RALGAPA2: variants seen among roughly 807,000 people sequenced by gnomAD.
RALGAPA2 encodes Ral GTPase activating protein catalytic subunit alpha 2.
RALGAPA2 carries 139 observed loss-of-function variants against 230.4 expected under a neutral mutation model. The ratio of observed to expected loss-of-function variants is 0.60; its 90% confidence interval spans 0.53 to 0.69. The LOEUF (loss-of-function observed/expected upper bound fraction) is 0.69. RALGAPA2 is among the 30% of genes least tolerant of loss of function. The pLI is 0.00. For missense variants in RALGAPA2, 2,163 were observed against 2,276.0 expected (o/e 0.95, Z 1.01); for synonymous variants, 847 against 837.8 (o/e 1.01, Z -0.19).
At chr20:20,442,824 T>C (rs1441167381) in intron 37 of RALGAPA2, among the ~76,000 whole-genome samples, 1 of 152,258 alleles carries the variant, frequency 6.6e-6, no homozygotes, top group Admixed American at 6.5e-5. Flanking sequence ...GGAAGCCTTT[T>C]ACAGAGAAAA....
intron 29 of RALGAPA2, 48 bp from the exon 30 acceptor site, chr20:20,524,591 T>G (rs1162625267): frequency 1.2e-6 from 2 of 1,605,574 alleles, no homozygotes; most frequent in South Asian, 1.1e-5. Flanking sequence ...CTCTTAAACC[T>G]CACTACATGT....
At chr20:20,528,444 T>G (rs187243505) in intron 27 of RALGAPA2, among the ~76,000 whole-genome samples, 2 of 151,886 alleles carry the variant, frequency 1.3e-5, no homozygotes, top group Non-Finnish European at 2.9e-5. Flanking sequence ...ACTTGGGCAG[T>G]GGGTGGGACG....
intron 36 of RALGAPA2, among the ~76,000 whole-genome samples, chr20:20,483,869 A>T (rs116051572): frequency 0.01 from 1,524 of 152,330 alleles, 19 homozygotes; most frequent in African/African-American, 0.035. Flanking sequence ...AGGGGAAAAA[A>T]AGTGGTTTCT....
At chr20:20,539,921 T>C (rs1602705995) in intron 24 of RALGAPA2, among the ~76,000 whole-genome samples, 1 of 152,248 alleles carries the variant, frequency 6.6e-6, no homozygotes, top group Non-Finnish European at 1.5e-5. Context: ...TTCATGTTGT[T>C]GCAAATGACA....
At chr20:20,457,274 A>G (rs2061144543) in intron 37 of RALGAPA2, among the ~76,000 whole-genome samples, 1 of 152,210 alleles carries the variant, frequency 6.6e-6, no homozygotes, top group Non-Finnish European at 1.5e-5. Flanking sequence ...ATGAGCCTCC[A>G]AACTGAAGTG....
At chr20:20,641,875 T>C (rs2067041128) in intron 5 of RALGAPA2, among the ~76,000 whole-genome samples, 1 of 151,540 alleles carries the variant, frequency 6.6e-6, no homozygotes, top group Non-Finnish European at 1.5e-5. Context: ...CCTAAATAAA[T>C]AAATAAAAAT....
At chr20:20,594,387 G>A (rs1016202285) in intron 16 of RALGAPA2, among the ~76,000 whole-genome samples, 1 of 151,846 alleles carries the variant, frequency 6.6e-6, no homozygotes, top group African/African-American at 2.4e-5. Context: ...CATTCTGTGG[G>A]GTTAGCTGTT....
At chr20:20,431,541 T>G (rs1276851955) in intron 37 of RALGAPA2, among the ~76,000 whole-genome samples, 1 of 152,186 alleles carries the variant, frequency 6.6e-6, no homozygotes, top group Non-Finnish European at 1.5e-5. Flanking sequence ...CTTTATATAA[T>G]TTTAAAATGT....
rs539418580 is a variant in RALGAPA2, at chr20:20,398,831, C to T, written c.5618-2097G>A. 2.6e-5 allele frequency among the ~76,000 whole-genome samples: 4 copies of T among 152,330 alleles called. No individual in the cohort carries two copies. The East Asian group carries it at 7.7e-4, about 29-fold the overall frequency. On this transcript the variant is annotated intron_variant, in intron 38 of 39. Transcript: ENST00000202677. The surrounding 1 kb of genome is among the most constrained non-coding windows in gnomAD (Gnocchi z 4.5). The stretch of plus-strand genomic sequence containing the variant: ...GTGGTGACCAAAGCAGATGAAACCG[C>T]TGCCTCCAGGGGATCTGGGAGAAAA...
At chr20:20,593,789 A>G (rs1285663421) in intron 16 of RALGAPA2, among the ~76,000 whole-genome samples, 1 of 152,224 alleles carries the variant, frequency 6.6e-6, no homozygotes, top group Non-Finnish European at 1.5e-5. Flanking sequence ...AAAGATAAAG[A>G]ACATCGCCAT....
chr20:20,560,661 T>C (rs1288504446), intron 23 of RALGAPA2, among the ~76,000 whole-genome samples: 1 of 152,346 alleles, frequency 6.6e-6, no homozygotes, highest in East Asian at 1.9e-4. Flanking sequence ...AAATCTCTTA[T>C]ATTCAAAAAT....
intron 36 of RALGAPA2, among the ~76,000 whole-genome samples, chr20:20,484,776 T>C (rs1364720879): frequency 6.6e-6 from 1 of 152,208 alleles, no homozygotes; most frequent in Non-Finnish European, 1.5e-5. Context: ...AACATTTCAT[T>C]TTTGATGATG....
chr20:20,568,965 C>T lies in RALGAPA2; in HGVS notation c.3156+2493G>A, dbSNP rs529930247. Among the ~76,000 whole-genome samples the T allele has an allele frequency of 7.9e-4, 120 of 152,290 alleles. 1 individual carries two copies. The highest frequency in any genetic ancestry group is 2.8e-3 in the African/African-American group (117 of 41,566). On this transcript the variant is annotated intron_variant, in intron 23 of 39. Coordinates refer to ENST00000202677, the MANE Select transcript of RALGAPA2 (RefSeq NM_020343.4). ...GCTGCTAGGATACATAAAAGTGTGG[C>T]CCTTTGAGAATTCTCACAAAATAGA...
intron 2 of RALGAPA2, 66 bp from the exon 3 acceptor site, chr20:20,676,354 C>A: frequency 9.0e-7 from 1 of 1,112,758 alleles, no homozygotes; most frequent in Admixed American, 2.4e-5. Context: ...ACAAATTATG[C>A]TAAAAGGCAG....
intron 1 of RALGAPA2, among the ~76,000 whole-genome samples, chr20:20,691,581 A>G (rs2068908595): frequency 6.6e-6 from 1 of 152,194 alleles, no homozygotes; most frequent in Admixed American, 6.5e-5. Context: ...ATCCAGTCCA[A>G]TCAGGCTTTG....
At chr20:20,693,022 G>A (rs1454616188) in intron 1 of RALGAPA2, among the ~76,000 whole-genome samples, 1 of 152,202 alleles carries the variant, frequency 6.6e-6, no homozygotes, top group Non-Finnish European at 1.5e-5. Flanking sequence ...CAACTGAAAT[G>A]ATCACAGAAA....
intron 36 of RALGAPA2, among the ~76,000 whole-genome samples, chr20:20,491,096 G>T (rs1309711078): frequency 6.6e-6 from 1 of 152,050 alleles, no homozygotes; most frequent in East Asian, 1.9e-4. Flanking sequence ...TCACAGCTGA[G>T]GAAGCTAAGA....
At chr20:20,684,988 T>C (rs2068649031) in intron 1 of RALGAPA2, among the ~76,000 whole-genome samples, 1 of 152,112 alleles carries the variant, frequency 6.6e-6, no homozygotes, top group Admixed American at 6.5e-5. Context: ...AAAGCAAGCA[T>C]AGGTCTCAGG....
At chr20:20,524,997 T>C in intron 28 of RALGAPA2, 99 bp from the exon 29 acceptor site, 2 of 1,056,292 alleles carry the variant, frequency 1.9e-6, no homozygotes, top group Non-Finnish European at 2.8e-6. Flanking sequence ...TAAACCCAGC[T>C]TGGTGCCAAC....
Sources: gnomAD v4.1 joint callset for allele counts (sites outside exome capture counted in the v4.1 genomes callset) on GRCh38, gnomAD v4.1.1 for gene constraint, Gnocchi (gnomAD v3.1) non-coding constraint, MANE v1.5 for transcripts, NCBI Gene and HGNC (gene_info 2026-07-23, HGNC 2026-07-21) for gene names.